Variants in KLF8 observed in about 807,000 individuals in gnomAD.
KLF8 encodes Krueppel-like factor 8.
KLF8 carries 10 observed loss-of-function variants against 18.2 expected under a neutral mutation model. That is an observed-to-expected ratio of 0.55 (90% CI 0.34 to 0.93). The LOEUF is 0.93. Ranked by LOEUF, KLF8 falls within the 40% of genes least tolerant of loss-of-function variation. KLF8 has a pLI of 0.02. For synonymous variants in KLF8, 109 were observed against 97.3 expected (o/e 1.12, Z -0.71); for missense variants, 264 against 277.9 (o/e 0.95, Z 0.36).
At chrX:56,166,108 A>T in the KLF8 span, among the ~76,000 whole-genome samples, 1 of 102,521 alleles carries the variant, frequency 9.8e-6, no homozygotes, top group Admixed American at 1.1e-4. Flanking sequence ...AGGTCTACCT[A>T]TACCCCAAAC....
chrX:56,178,932 T>G, the KLF8 span, among the ~76,000 whole-genome samples: 2 of 112,317 alleles, frequency 1.8e-5, no homozygotes, highest in Non-Finnish European at 3.8e-5. Flanking sequence ...CCTCCAGCAT[T>G]GTTCTTTTGG....
the KLF8 span, among the ~76,000 whole-genome samples, chrX:56,046,772 T>A: frequency 1.2e-3 from 137 of 111,739 alleles, no homozygotes; most frequent in African/African-American, 4.3e-3. Context: ...ACATTTTTTA[T>A]AGGTTACCTG....
chrX:56,077,255 T>C, the KLF8 span, among the ~76,000 whole-genome samples: 1 of 112,207 alleles, frequency 8.9e-6, no homozygotes, highest in South Asian at 3.6e-4. Context: ...GGTTTTCTTC[T>C]AGGATATTTC....
chrX:56,118,157 C>A, the KLF8 span, among the ~76,000 whole-genome samples: 1 of 111,848 alleles, frequency 8.9e-6, no homozygotes, highest in South Asian at 3.7e-4. Flanking sequence ...AAAAATCAGA[C>A]TATAGCAATT....
At chrX:56,186,138 G>A in the KLF8 span, among the ~76,000 whole-genome samples, 2 of 111,980 alleles carry the variant, frequency 1.8e-5, no homozygotes, top group Admixed American at 9.5e-5. Flanking sequence ...CCCATCTCAT[G>A]TGCAGAGACA....
chrX:56,004,060 T>C, the KLF8 span, among the ~76,000 whole-genome samples: 1 of 112,405 alleles, frequency 8.9e-6, no homozygotes, highest in Non-Finnish European at 1.9e-5. Flanking sequence ...CCTTATTCCT[T>C]ACTTCCCCTT....
At chrX:56,111,225 G>T in the KLF8 span, among the ~76,000 whole-genome samples, 2 of 112,140 alleles carry the variant, frequency 1.8e-5, no homozygotes, top group Non-Finnish European at 3.8e-5. Context: ...TATGTGTGAT[G>T]CATTATTGCA....
the KLF8 span, among the ~76,000 whole-genome samples, chrX:56,028,599 CAAGACGCA>C: frequency 9.0e-6 from 1 of 111,527 alleles, no homozygotes; most frequent in African/African-American, 3.3e-5. Context: ...CGTACTGGAG[CAAGACGCA>C]GCCTAGGTCT....
chrX:56,163,531 C>A, the KLF8 span, among the ~76,000 whole-genome samples: 3 of 111,762 alleles, frequency 2.7e-5, no homozygotes, highest in Admixed American at 1.9e-4. Context: ...AAATTTTCTC[C>A]CAATCTGTAA....
chrX:56,020,007 A>C, the KLF8 span, among the ~76,000 whole-genome samples: 1 of 112,102 alleles, frequency 8.9e-6, no homozygotes, highest in Admixed American at 9.5e-5. Flanking sequence ...CTTGATTAAT[A>C]AAAACAGAAT....
At chrX:56,164,342 C>G in the KLF8 span, among the ~76,000 whole-genome samples, 4 of 90,950 alleles carry the variant, frequency 4.4e-5, no homozygotes, top group Non-Finnish European at 8.6e-5. Context: ...ACCGTAACAC[C>G]AAATGTATTT....
At chrX:56,139,144 G>A in the KLF8 span, among the ~76,000 whole-genome samples, 1 of 111,789 alleles carries the variant, frequency 8.9e-6, no homozygotes, top group South Asian at 3.7e-4. Flanking sequence ...ACTGCTGAAA[G>A]AAATCAGCAA....
chrX:56,126,360 AC>A, the KLF8 span, among the ~76,000 whole-genome samples: 2 of 112,002 alleles, frequency 1.8e-5, no homozygotes, highest in Admixed American at 1.9e-4. Context: ...CCTGATCCAA[AC>A]TACCACCATC....
chrX:56,126,257 A>G, the KLF8 span, among the ~76,000 whole-genome samples: 1 of 111,736 alleles, frequency 8.9e-6, no homozygotes, highest in Admixed American at 9.5e-5. Context: ...GTGTCCATAT[A>G]TAATAACAAA....
At chrX:56,134,877 G>C in the KLF8 span, among the ~76,000 whole-genome samples, 5 of 111,282 alleles carry the variant, frequency 4.5e-5, no homozygotes, top group Non-Finnish European at 9.4e-5. Context: ...ATCCTCAAAA[G>C]AAGATGTACA....
the KLF8 span, among the ~76,000 whole-genome samples, chrX:55,925,668 C>A: frequency 2.7e-5 from 3 of 111,316 alleles, no homozygotes; most frequent in African/African-American, 9.8e-5. Flanking sequence ...GATTTAAAAC[C>A]AATTAGAGTG....
At chrX:55,938,787 C>T in the KLF8 span, among the ~76,000 whole-genome samples, 1 of 111,609 alleles carries the variant, frequency 9.0e-6, no homozygotes, top group African/African-American at 3.3e-5. Flanking sequence ...AAGACCATTA[C>T]ATAATGGTAA....
upstream of KLF8, among the ~76,000 whole-genome samples, chrX:56,231,221 T>C (rs182594483): frequency 4.8e-4 from 54 of 111,549 alleles, no homozygotes; most frequent in Admixed American, 1.2e-3. Flanking sequence ...ATTCAGGTAG[T>C]TGGTGAACTA....
the KLF8 span, among the ~76,000 whole-genome samples, chrX:55,967,215 A>G: frequency 8.9e-6 from 1 of 111,800 alleles, no homozygotes; most frequent in African/African-American, 3.2e-5. Flanking sequence ...GGGTAATTAC[A>G]AAGCACTTCC....
Sources: gnomAD v4.1 joint callset for allele counts (sites outside exome capture counted in the v4.1 genomes callset) on GRCh38, gnomAD v4.1.1 for gene constraint, MANE v1.5 for transcripts, NCBI Gene and HGNC (gene_info 2026-07-23, HGNC 2026-07-21) for gene names.